Variants in UBN2 observed in about 807,000 individuals in gnomAD.
UBN2 encodes the protein ubinuclein-2.
UBN2 carries 35 observed loss-of-function variants against 120.2 expected under a neutral mutation model. The observed-to-expected ratio is 0.29, with a 90% CI of 0.22 to 0.39. UBN2 has a LOEUF of 0.39. Ranked by LOEUF, UBN2 falls within the 10% of genes least tolerant of loss-of-function variation. The pLI is 1.00. For missense variants in UBN2, 1,693 were observed against 1,663.2 expected (o/e 1.02, Z -0.31); for synonymous variants, 661 against 648.7 (o/e 1.02, Z -0.29).
chr7:139,251,442 A>G (rs142969252), intron 2 of UBN2, among the ~76,000 whole-genome samples: 2 of 152,338 alleles, frequency 1.3e-5, no homozygotes, highest in African/African-American at 4.8e-5. Context: ...CCAGGTTACC[A>G]TATTAAACTT....
At chr7:139,287,207 G>T (rs1022308544) in intron 15 of UBN2, among the ~76,000 whole-genome samples, 1 of 152,096 alleles carries the variant, frequency 6.6e-6, no homozygotes, top group Non-Finnish European at 1.5e-5. Context: ...AGGAATAAGT[G>T]AAAAGATAGC....
chr7:139,326,437 G>C, the UBN2 span, among the ~76,000 whole-genome samples: 1 of 152,168 alleles, frequency 6.6e-6, no homozygotes, highest in Non-Finnish European at 1.5e-5. Context: ...CCAGTCCCCA[G>C]CCCTGGCTTT....
At chr7:139,249,882 T>G (rs1227335305) in intron 2 of UBN2, among the ~76,000 whole-genome samples, 1 of 151,802 alleles carries the variant, frequency 6.6e-6, no homozygotes, top group African/African-American at 2.4e-5. Flanking sequence ...AAAAAAAATT[T>G]GTTGAGACAG....
At chr7:139,296,360 A>C (rs1296136047) in intron 17 of UBN2, among the ~76,000 whole-genome samples, 1 of 152,236 alleles carries the variant, frequency 6.6e-6, no homozygotes, top group Non-Finnish European at 1.5e-5. Context: ...ATAAAACTTC[A>C]TGTGCAAAAG....
At chr7:139,314,781 G>A in the UBN2 span, among the ~76,000 whole-genome samples, 4 of 151,700 alleles carry the variant, frequency 2.6e-5, no homozygotes, top group African/African-American at 7.3e-5. Flanking sequence ...CACGGTGCCC[G>A]GCCAATTTTT....
rs1250471298 is a variant in UBN2, at chr7:139,269,254, T to A, written c.1467-140T>A. The A allele has an allele frequency of 5.5e-5, 45 of 820,696 alleles. No individual in the cohort carries two copies. In the East Asian group the frequency reaches 1.0e-3, roughly 19 times the overall value. The allele number at this position is 820,696 out of a possible 1,614,324, so 50.8% of individuals were successfully genotyped here. The stretch of plus-strand genomic sequence containing the variant: ...ACTGTTTATTGCTATGGGTTTTTTT[T>A]TATTTTTTCCATGAAGAATACTGTT... On this transcript the variant is annotated intron_variant, in intron 7 of 17. Transcript: ENST00000473989.
intron 2 of UBN2, among the ~76,000 whole-genome samples, chr7:139,244,402 C>T (rs1022864062): frequency 6.6e-6 from 1 of 152,034 alleles, no homozygotes; most frequent in East Asian, 1.9e-4. Flanking sequence ...TGTGGTGGCT[C>T]ACACCTGTGA....
At chr7:139,252,676 C>T (rs1344125838) in intron 3 of UBN2, among the ~76,000 whole-genome samples, 1 of 151,984 alleles carries the variant, frequency 6.6e-6, no homozygotes, top group Non-Finnish European at 1.5e-5. Flanking sequence ...CTTTCCAGTT[C>T]CTGAAAGAAT....
At chr7:139,265,519 C>A (rs1442381756) in intron 6 of UBN2, among the ~76,000 whole-genome samples, 4 of 152,084 alleles carry the variant, frequency 2.6e-5, no homozygotes, top group African/African-American at 9.7e-5. Context: ...CAAAAGATAT[C>A]CATATTCTAA....
chr7:139,298,642 T>C lies in UBN2; in HGVS notation c.*806T>C, dbSNP rs1798177722. On this transcript the variant is annotated 3_prime_UTR_variant, in exon 18 of 18. Transcript: ENST00000473989. ...GGTGATTTGTGCATCTAGTATTGAC[T>C]GGTTAATTCTTATTTCCATTCTTGA... is the stretch of plus-strand genomic sequence containing the variant. 1 of 151,982 alleles carries C rather than the reference T, an allele frequency of 6.6e-6. No individual in the cohort carries two copies. Among genetic ancestry groups the C allele is most frequent in the South Asian group, 2.1e-4 (1 of 4,822 alleles). The allele number at this position is 151,982 out of a possible 1,614,324, so 9.4% of individuals were successfully genotyped here. A position where few individuals can be genotyped will look rare whatever the true frequency, so the allele number is the denominator to read the frequency against.
chr7:139,262,145 AG>A (rs1295319747), intron 6 of UBN2, among the ~76,000 whole-genome samples: 1 of 151,900 alleles, frequency 6.6e-6, no homozygotes, highest in African/African-American at 2.4e-5. Flanking sequence ...GTCGTCACAC[AG>A]GCTGGAGTGC....
At chr7:139,249,010 CTGTGTGTGTG>C (rs559214097) in intron 2 of UBN2, among the ~76,000 whole-genome samples, 2 of 147,648 alleles carry the variant, frequency 1.4e-5, no homozygotes, top group African/African-American at 2.5e-5. Flanking sequence ...TTTATTACAT[CTGTGTGTGTG>C]TGTGTGTGTG....
chr7:139,238,930 G>A (rs1339519879), intron 2 of UBN2, among the ~76,000 whole-genome samples: 1 of 152,166 alleles, frequency 6.6e-6, no homozygotes, highest in Non-Finnish European at 1.5e-5. Context: ...CCTATAGGAT[G>A]TATAAATCCT....
chr7:139,255,588 C>A (rs1796739793), intron 3 of UBN2, among the ~76,000 whole-genome samples: 1 of 151,912 alleles, frequency 6.6e-6, no homozygotes, highest in South Asian at 2.1e-4. Context: ...GGTTGCGTGA[C>A]TTAACAAAAT....
intron 15 of UBN2, among the ~76,000 whole-genome samples, chr7:139,287,513 A>AC (rs1462815777): frequency 6.6e-6 from 1 of 152,122 alleles, no homozygotes; most frequent in African/African-American, 2.4e-5. Flanking sequence ...TTGCAAAAGA[A>AC]CCCCTATACT....
chr7:139,267,227 A>G (rs1797124665), intron 7 of UBN2, among the ~76,000 whole-genome samples: 1 of 152,206 alleles, frequency 6.6e-6, no homozygotes, highest in South Asian at 2.1e-4. Context: ...TAGTAGCATC[A>G]TGTATTATAG....
At chr7:139,319,810 T>C in the UBN2 span, among the ~76,000 whole-genome samples, 176 of 152,030 alleles carry the variant, frequency 1.2e-3, 1 homozygote, top group South Asian at 3.7e-3. Context: ...GGTGTGGTGG[T>C]CCATGCCTGT....
intron 15 of UBN2, among the ~76,000 whole-genome samples, chr7:139,286,395 T>A (rs1797788605): frequency 1.3e-5 from 2 of 152,316 alleles, no homozygotes; most frequent in South Asian, 2.1e-4. Flanking sequence ...CCATATCATC[T>A]TCTGTTATTG....
chr7:139,273,055 AAC>A (rs1490114468), intron 9 of UBN2, among the ~76,000 whole-genome samples: 2 of 152,220 alleles, frequency 1.3e-5, no homozygotes, highest in African/African-American at 4.8e-5. Flanking sequence ...ACTGTGGTTG[AAC>A]ACAAGTGTTT....
Sources: allele counts gnomAD v4.1 joint callset (sites outside exome capture counted in the v4.1 genomes callset), GRCh38; gene constraint gnomAD v4.1.1; transcripts MANE v1.5; gene names NCBI Gene and HGNC (gene_info 2026-07-23, HGNC 2026-07-21).